Variants in MAP4K4 observed in about 807,000 individuals in gnomAD.
MAP4K4 encodes the protein HPK/GCK-like kinase HGK.
In MAP4K4, 38 loss-of-function variants were observed where a neutral mutation model predicts 189.6. That is an observed-to-expected ratio of 0.20 (90% CI 0.15 to 0.26). The LOEUF (loss-of-function observed/expected upper bound fraction) is 0.26. Among genes scored for constraint, MAP4K4 ranks in the 10% least tolerant of loss-of-function variants. The pLI is 1.00. For missense variants in MAP4K4, 1,054 were observed against 1,726.9 expected, an observed-to-expected ratio of 0.61 and a Z score of 6.91; for synonymous variants, 610 against 624.3, an observed-to-expected ratio of 0.98 and a Z score of 0.34.
At chr2:101,822,401 T>A (rs1559075482) in intron 3 of MAP4K4, among the ~76,000 whole-genome samples, 1 of 152,226 alleles carries the variant, frequency 6.6e-6, no homozygotes, top group Non-Finnish European at 1.5e-5. Flanking sequence ...AGTATAATAC[T>A]CCAATGTTTA....
chr2:101,712,935 C>G (rs544945395), intron 2 of MAP4K4, among the ~76,000 whole-genome samples: 1 of 145,952 alleles, frequency 6.9e-6, no homozygotes, highest in Non-Finnish European at 1.5e-5. Context: ...CAGAGTCTCA[C>G]TCTGTCACCC....
At chr2:101,783,739 T>A (rs1361428188) in intron 2 of MAP4K4, among the ~76,000 whole-genome samples, 1 of 152,232 alleles carries the variant, frequency 6.6e-6, no homozygotes, top group Non-Finnish European at 1.5e-5. Context: ...GAAACAAAGC[T>A]TCCCAGTTGG....
chr2:101,814,793 T>G (rs562189220), intron 3 of MAP4K4, among the ~76,000 whole-genome samples: 10 of 152,206 alleles, frequency 6.6e-5, no homozygotes, highest in Non-Finnish European at 1.5e-4. Context: ...CTGTGGTGAT[T>G]CATGAAACAT....
rs1191562736 is a variant in MAP4K4 at position 101,802,773 on chromosome 2, G to T, written c.180+11997G>T. Among the ~76,000 whole-genome samples, 3 of 151,852 alleles carry T rather than the reference G, an allele frequency of 2.0e-5. No homozygotes were observed. In the East Asian group the frequency reaches 5.8e-4, roughly 29 times the overall value. ...CCCAAGAATATAACCTCCATACATA[G>T]TGACAATGATCTTTGTCTGTTTTTT... On this transcript the variant is annotated intron_variant, in intron 3 of 32. Coordinates refer to ENST00000324219, the Ensembl canonical transcript of MAP4K4.
In MAP4K4 at chr2:101,827,053, C is replaced by T. The variant is rs370730466; in HGVS notation, c.417+1624C>T. On this transcript the variant is annotated intron_variant, in intron 5 of 32. Coordinates refer to ENST00000324219, the Ensembl canonical transcript of MAP4K4. ...CAGCCTTCAAAGACATCAAAGACAA[C>T]TTACATGTGTTTCTATACCCAGGCA... 1.4e-4 allele frequency among the ~76,000 whole-genome samples: 21 copies of T among 152,156 alleles called. 2 individuals are homozygous for T. The highest frequency in any genetic ancestry group is 1.4e-3 in the Admixed American group (21 of 15,276).
chr2:101,711,659 A>G (rs1407073822), intron 2 of MAP4K4, among the ~76,000 whole-genome samples: 1 of 152,202 alleles, frequency 6.6e-6, no homozygotes, highest in Non-Finnish European at 1.5e-5. Flanking sequence ...ATTTCTAACC[A>G]TTCTCTAATC....
intron 2 of MAP4K4, among the ~76,000 whole-genome samples, chr2:101,741,276 T>TC (rs1341215189): frequency 6.6e-6 from 1 of 150,946 alleles, no homozygotes; most frequent in Non-Finnish European, 1.5e-5. Flanking sequence ...CACGCCATTC[T>TC]CCTGCCTCAG....
intron 3 of MAP4K4, among the ~76,000 whole-genome samples, chr2:101,793,736 A>T (rs1197987294): frequency 2.0e-5 from 3 of 152,196 alleles, no homozygotes; most frequent in Non-Finnish European, 4.4e-5. Flanking sequence ...CAAGAATTGC[A>T]GCAGGTGTGG....
intron 28 of MAP4K4, among the ~76,000 whole-genome samples, chr2:101,883,447 T>C (rs528349436): frequency 6.6e-6 from 1 of 152,274 alleles, no homozygotes; most frequent in East Asian, 1.9e-4. Flanking sequence ...TTCTCCTGCC[T>C]CAGCCTCCTG....
At chr2:101,794,434 A>G (rs541996151) in intron 3 of MAP4K4, among the ~76,000 whole-genome samples, 1 of 152,354 alleles carries the variant, frequency 6.6e-6, no homozygotes, top group Admixed American at 6.5e-5. Flanking sequence ...GCATTTTAAT[A>G]GTGTCCCCTA....
intron 2 of MAP4K4, among the ~76,000 whole-genome samples, chr2:101,770,801 A>G (rs1305770602): frequency 1.3e-5 from 2 of 152,192 alleles, no homozygotes; most frequent in Non-Finnish European, 2.9e-5. Flanking sequence ...GCAGCCAGCC[A>G]CAAGACCCAT....
intron 3 of MAP4K4, among the ~76,000 whole-genome samples, chr2:101,817,288 G>C (rs1428813137): frequency 6.6e-6 from 1 of 152,138 alleles, no homozygotes; most frequent in Non-Finnish European, 1.5e-5. Context: ...GGAGGAAATA[G>C]TGATCTTATT....
At chr2:101,785,657 T>A (rs979215302) in intron 2 of MAP4K4, among the ~76,000 whole-genome samples, 1 of 59,904 alleles carries the variant, frequency 1.7e-5, no homozygotes, top group African/African-American at 1.2e-4. Flanking sequence ...CATTGCCATC[T>A]TCTTCTTTCT....
chr2:101,835,376 T>C (rs1309850921), intron 8 of MAP4K4, among the ~76,000 whole-genome samples: 1 of 152,236 alleles, frequency 6.6e-6, no homozygotes, highest in Non-Finnish European at 1.5e-5. Flanking sequence ...CACACCTTTA[T>C]TGGGTGAGTC....
chr2:101,759,494 TCCTCCCCTC>T (rs2074763181), intron 2 of MAP4K4, among the ~76,000 whole-genome samples: 1 of 23,588 alleles, frequency 4.2e-5, no homozygotes, highest in African/African-American at 2.0e-4. Flanking sequence ...CCCTCCCCTC[TCCTCCCCTC>T]TCCCCTCCCC....
intron 2 of MAP4K4, among the ~76,000 whole-genome samples, chr2:101,773,204 CCTA>C (rs1379872818): frequency 6.6e-6 from 1 of 152,102 alleles, no homozygotes; most frequent in Admixed American, 6.6e-5. Flanking sequence ...AACTCAAGAC[CCTA>C]AATCAGTAGA....
At chr2:101,842,748 C>A in intron 11 of MAP4K4, 67 bp downstream of exon 11, 1 of 1,171,092 alleles carries the variant, frequency 8.5e-7, no homozygotes, top group Non-Finnish European at 1.2e-6. Flanking sequence ...TGTGCCAGGA[C>A]TGCAGAAGAC....
At chr2:101,796,472 C>T (rs566882066) in intron 3 of MAP4K4, among the ~76,000 whole-genome samples, 1 of 152,168 alleles carries the variant, frequency 6.6e-6, no homozygotes, top group Non-Finnish European at 1.5e-5. Context: ...CTCAGGAGTA[C>T]ATTGCTAATT....
chr2:101,860,835 G>C (rs758984866), exon 16 of MAP4K4: 1 of 1,607,060 alleles, frequency 6.2e-7, no homozygotes. Context: ...GTGGAAGATA[G>C]ATTTAGGAAA....
Sources: gnomAD v4.1 joint callset for allele counts (sites outside exome capture counted in the v4.1 genomes callset) on GRCh38, gnomAD v4.1.1 for gene constraint, MANE v1.5 for transcripts, NCBI Gene and HGNC (gene_info 2026-07-23, HGNC 2026-07-21) for gene names.